The following PIK3CB variants were observed in gnomAD, a reference collection of about 807,000 sequenced individuals.
PIK3CB encodes the protein phosphatidylinositol-4,5-bisphosphate 3-kinase catalytic subunit beta.
A neutral mutation model predicts 136.8 loss-of-function variants in PIK3CB; 39 were observed. That is an observed-to-expected ratio of 0.29 (90% CI 0.22 to 0.37). PIK3CB has a LOEUF of 0.37. PIK3CB is among the 10% of genes least tolerant of loss of function. PIK3CB has a pLI of 1.00. For synonymous variants in PIK3CB, 428 were observed against 436.6 expected, an observed-to-expected ratio of 0.98 and a Z score of 0.25; for missense variants, 868 against 1,275.4, an observed-to-expected ratio of 0.68 and a Z score of 4.87.
chr3:138,679,905 T>A lies in PIK3CB; in HGVS notation c.2504+2062A>T, dbSNP rs190867679. On this transcript the variant is annotated intron_variant, in intron 19 of 23. Coordinates refer to ENST00000674063, the MANE Select transcript of PIK3CB (RefSeq NM_006219.3). The stretch of plus-strand genomic sequence containing the variant: ...CACTGCACCCAGCCAAGAGTTCATT[T>A]TAAAAAATGAGAACAGAATAAACAC... Among the ~76,000 whole-genome samples the A allele has an allele frequency of 3.7e-3, 544 of 146,766 alleles. 5 individuals carry two copies. The highest frequency in any genetic ancestry group is 0.013 in the African/African-American group (521 of 40,018).
At chr3:138,679,748 A>ATT (rs2043724729) in intron 19 of PIK3CB, among the ~76,000 whole-genome samples, 2 of 141,434 alleles carry the variant, frequency 1.4e-5, no homozygotes, top group African/African-American at 5.1e-5. Context: ...ATGCCTGGCT[A>ATT]ATTATTATTA....
At chr3:138,807,679 G>A (rs2046249349) in intron 1 of PIK3CB, among the ~76,000 whole-genome samples, 1 of 152,042 alleles carries the variant, frequency 6.6e-6, no homozygotes, top group Non-Finnish European at 1.5e-5. Context: ...GATCACTTGA[G>A]TCCAGTAGTT....
At chr3:138,771,813 G>A (rs1473049545) in intron 2 of PIK3CB, among the ~76,000 whole-genome samples, 2 of 151,880 alleles carry the variant, frequency 1.3e-5, no homozygotes, top group Non-Finnish European at 2.9e-5. Context: ...CTACTCGAGA[G>A]GCTGAGGGAG....
At chr3:138,814,323 C>T (rs1467116204) in intron 1 of PIK3CB, among the ~76,000 whole-genome samples, 2 of 151,862 alleles carry the variant, frequency 1.3e-5, no homozygotes, top group Non-Finnish European at 2.9e-5. Context: ...ACTGAAAATA[C>T]AAAAATTAGC....
chr3:138,832,728 C>CTA (rs1331215961), intron 1 of PIK3CB, among the ~76,000 whole-genome samples: 1 of 148,834 alleles, frequency 6.7e-6, no homozygotes, highest in Non-Finnish European at 1.5e-5. Context: ...ACTCGGGAGG[C>CTA]TATGGCAGGA....
chr3:138,740,699 C>G (rs1202548708), intron 5 of PIK3CB, among the ~76,000 whole-genome samples: 1 of 151,850 alleles, frequency 6.6e-6, no homozygotes, highest in Non-Finnish European at 1.5e-5. Context: ...GTCGCCCAAG[C>G]TGAAGTGTGG....
In PIK3CB at chr3:138,737,880, A is replaced by G; in HGVS notation, c.628T>C (p.Phe210Leu). ...ATATTAGGAGACACTTGAAAGCTAA[A>G]CACGTCCTGAAGGGGGAGGGAGATG... ...AVHFENCQDV[F>L]SFQVSPNMNP... The change falls in exon 6 of 24, where the codon TTT (phenylalanine) becomes CTT (leucine). Residue 210 changes from phenylalanine to leucine, a missense_variant. By Grantham distance (22) the Phe-to-Leu change is conservative. Coordinates refer to ENST00000674063, the MANE Select transcript of PIK3CB (RefSeq NM_006219.3). 2 of 1,592,758 alleles carry G rather than the reference A, an allele frequency of 1.3e-6. No homozygotes were observed. Among genetic ancestry groups the G allele is most frequent in the Non-Finnish European group, 1.7e-6 (2 of 1,168,062 alleles).
Position 138,742,774 on chromosome 3 carries a change from A to G in PIK3CB, c.405T>C (p.His135=), listed in dbSNP as rs1190391338. Reference sequence around the variant, plus strand: ...CAGGATCCTTCAAGGAATCAAATTCATGCAGACCTAAACACATTTTTTAAA... The same window carrying G: ...CAGGATCCTTCAAGGAATCAAATTCGTGCAGACCTAAACACATTTTTTAAA... ...KIGVLIGKGL[H]EFDSLKDPEV... is the part of the protein sequence containing the mutation. The change falls in exon 5 of 24, where the codon CAT becomes CAC. Residue 135 remains histidine, a synonymous_variant. Transcript: ENST00000674063. 6 of 1,594,556 alleles carry G rather than the reference A, an allele frequency of 3.8e-6. No homozygotes were observed. In the South Asian group the frequency reaches 6.7e-5, roughly 18 times the overall value.
chr3:138,732,682 T>C lies in PIK3CB; in HGVS notation c.1050+679A>G, dbSNP rs112398577. ...ATCTATTTTCTTCCAGGAAATGGTA[T>C]TACATGTTCTCTGTGCTCAGTTTAA... On this transcript the variant is annotated intron_variant, in intron 8 of 23. Coordinates refer to ENST00000674063, the MANE Select transcript of PIK3CB (RefSeq NM_006219.3). Among the ~76,000 whole-genome samples the C allele has an allele frequency of 7.0e-3, 1,046 of 149,398 alleles. 12 individuals are homozygous for C. Among genetic ancestry groups the C allele is most frequent in the African/African-American group, 0.025 (998 of 40,500 alleles).
intron 14 of PIK3CB, among the ~76,000 whole-genome samples, chr3:138,691,802 A>C (rs1406002771): frequency 2.6e-5 from 4 of 152,168 alleles, no homozygotes; most frequent in African/African-American, 9.7e-5. Flanking sequence ...GTCAGCTAAG[A>C]GTTACCAAAA....
chr3:138,673,889 G>T (rs1052854943), intron 19 of PIK3CB, among the ~76,000 whole-genome samples: 1 of 152,156 alleles, frequency 6.6e-6, no homozygotes, highest in Admixed American at 6.5e-5. Context: ...GATTCCCACA[G>T]AACTGTCATT....
At chr3:138,736,638 G>A (rs1214334941) in intron 6 of PIK3CB, among the ~76,000 whole-genome samples, 2 of 152,084 alleles carry the variant, frequency 1.3e-5, no homozygotes, top group Non-Finnish European at 2.9e-5. Context: ...ATAGGGAGAG[G>A]GGTGCTGCAC....
intron 12 of PIK3CB, 120 bp downstream of exon 12, chr3:138,704,322 CT>C (rs1409294970): frequency 9.1e-6 from 7 of 766,278 alleles, no homozygotes; most frequent in Non-Finnish European, 1.6e-5. Flanking sequence ...CTTACCCACA[CT>C]CACAGACTGT....
chr3:138,807,894 C>CAA (rs35759774), intron 1 of PIK3CB, among the ~76,000 whole-genome samples: 2 of 129,218 alleles, frequency 1.5e-5, no homozygotes, highest in African/African-American at 2.8e-5. Flanking sequence ...GATCCTGTCT[C>CAA]AAAAAAAAAA....
chr3:138,774,699 A>G (rs1053710567), intron 2 of PIK3CB, among the ~76,000 whole-genome samples: 3 of 152,174 alleles, frequency 2.0e-5, no homozygotes, highest in Non-Finnish European at 4.4e-5. Flanking sequence ...TGAGTAACTA[A>G]CCAACAGCTC....
intron 15 of PIK3CB, 38 bp downstream of exon 15, chr3:138,690,962 G>A (rs758414566): frequency 9.7e-5 from 149 of 1,534,060 alleles, no homozygotes; most frequent in Non-Finnish European, 1.2e-4. Flanking sequence ...AGTTACTAAA[G>A]CACCTGGTGG....
chr3:138,743,545 A>T (rs2045286384), intron 4 of PIK3CB, among the ~76,000 whole-genome samples: 1 of 152,000 alleles, frequency 6.6e-6, no homozygotes, highest in Admixed American at 6.6e-5. Flanking sequence ...GAGAAAATTC[A>T]CATATAACAT....
chr3:138,785,613 A>G (rs1226741564), intron 2 of PIK3CB, among the ~76,000 whole-genome samples: 3 of 152,184 alleles, frequency 2.0e-5, no homozygotes, highest in African/African-American at 7.2e-5. Context: ...AGATGCTTGA[A>G]GGCAGCATGC....
chr3:138,830,932 AT>A (rs1205709936), intron 1 of PIK3CB, among the ~76,000 whole-genome samples: 3 of 147,414 alleles, frequency 2.0e-5, no homozygotes, highest in Non-Finnish European at 1.5e-5. Flanking sequence ...AATAATAATA[AT>A]AATAATAATA....
Sources: allele counts gnomAD v4.1 joint callset (sites outside exome capture counted in the v4.1 genomes callset), GRCh38; gene constraint gnomAD v4.1.1; transcripts MANE v1.5; gene names NCBI Gene and HGNC (gene_info 2026-07-23, HGNC 2026-07-21).